ELMO2: variants seen among roughly 807,000 people sequenced by gnomAD.
The protein encoded by ELMO2 is engulfment and cell motility protein 2.
ELMO2 carries 37 observed loss-of-function variants against 96.2 expected under a neutral mutation model. The ratio of observed to expected loss-of-function variants is 0.38; its 90% CI spans 0.30 to 0.51. The LOEUF (loss-of-function observed/expected upper bound fraction) is 0.51. Ranked by LOEUF, ELMO2 falls within the 20% of genes least tolerant of loss-of-function variation. The pLI is 0.88. For synonymous variants in ELMO2, 315 were observed against 329.4 expected, an observed-to-expected ratio of 0.96 and a Z score of 0.47; for missense variants, 561 against 912.6, an observed-to-expected ratio of 0.61 and a Z score of 4.96.
At position 46,371,479 on chromosome 20, in the gene ELMO2, A is replaced by C; in HGVS notation, c.1694-20T>G. On this transcript the variant is annotated intron_variant, in intron 18 of 21. Transcript: ENST00000290246. This position sits in a 1 kb window ranked among gnomAD's most constrained non-coding sequence, Gnocchi z 5.9. ...ACCGTTCTGGAACACAAGGGAAGCCAAACAGGTGAGCAACGACAGTACTGG... is the reference window on the plus strand; with the variant it reads ...ACCGTTCTGGAACACAAGGGAAGCCCAACAGGTGAGCAACGACAGTACTGG... 6.2e-7 allele frequency: 1 copy of C among 1,614,130 alleles called. No homozygotes were observed. Among genetic ancestry groups the C allele is most frequent in the Non-Finnish European group, 8.5e-7 (1 of 1,179,920 alleles).
chr20:46,393,094 G>C lies in ELMO2; in HGVS notation c.242C>G (p.Pro81Arg). 6.2e-7 allele frequency: 1 copy of C among 1,613,762 alleles called. No homozygotes were observed. The highest frequency in any genetic ancestry group is 8.5e-7 in the Non-Finnish European group (1 of 1,179,690). Reference sequence around the variant, plus strand: ...TCCTAAGGAAGAAAGAATACCTACCGGGGAGATAGCCAGTTGTAAGATTGT... The same window carrying C: ...TCCTAAGGAAGAAAGAATACCTACCCGGGAGATAGCCAGTTGTAAGATTGT... ...NGTILQLAIS[P>R]SRAARQLMER... Residue 81 changes from proline to arginine, a missense_variant and splice_region_variant, in exon 6 of 22, where the codon CCG becomes CGG. Physicochemically the swap from Pro to Arg is moderately radical, Grantham distance 103. Transcript: ENST00000290246.
In ELMO2 at chr20:46,387,351, G is replaced by C. The variant is rs1159438280; in HGVS notation, c.512C>G (p.Thr171Ser). 1 of 1,613,984 alleles carries C rather than the reference G, an allele frequency of 6.2e-7. No individual in the cohort carries two copies. Among genetic ancestry groups the C allele is most frequent in the South Asian group, 1.1e-5 (1 of 91,046 alleles). ...TGGAGGCCTCACCTGCTTAATAAAG[G>C]TGATTGAAACCATGTCCCAGGAGAC... is the stretch of plus-strand genomic sequence containing the variant. ...GIVSWDMVSITFIKQIAGYVS... is the reference protein window; with the variant it reads ...GIVSWDMVSISFIKQIAGYVS... The change falls in exon 8 of 22, where the codon ACC (threonine) becomes AGC (serine). Residue 171 changes from threonine (T) to serine (S), a missense_variant. Coordinates refer to ENST00000290246, the MANE Select transcript of ELMO2 (RefSeq NM_133171.5).
In ELMO2 at chr20:46,371,245, A is replaced by G. The variant is rs1165501554; in HGVS notation, c.1801+107T>C. Reference sequence around the variant, plus strand: ...GACAGATAAGGAAACAGGTCCAGAGAGGTAACAGGTACAAGCCCAGATGAT... The same window carrying G: ...GACAGATAAGGAAACAGGTCCAGAGGGGTAACAGGTACAAGCCCAGATGAT... On this transcript the variant is annotated intron_variant, in intron 19 of 21. Coordinates refer to ENST00000290246, the MANE Select transcript of ELMO2 (RefSeq NM_133171.5). The surrounding 1 kb of genome is among the most constrained non-coding windows in gnomAD (Gnocchi z 5.9). 1.0e-5 allele frequency: 11 copies of G among 1,086,426 alleles called. No individual in the cohort carries two copies. The highest frequency in any genetic ancestry group is 1.6e-5 in the African/African-American group (1 of 64,054). 67.3% of individuals were successfully genotyped at this position (1,086,426 alleles called of 1,614,324 possible). A position where few individuals can be genotyped will look rare whatever the true frequency, so the allele number is the denominator to read the frequency against.
intron 1 of ELMO2, among the ~76,000 whole-genome samples, chr20:46,402,119 T>C (rs2060346678): frequency 2.6e-5 from 4 of 152,180 alleles, no homozygotes; most frequent in Admixed American, 2.6e-4. Context: ...TCAACTCTGG[T>C]TGTGCACCAT....
Position 46,371,910 on chromosome 20 carries a change from C to T in ELMO2, c.1476G>A (p.Leu492=). 1 of 1,614,154 alleles carries T rather than the reference C, an allele frequency of 6.2e-7. No individual in the cohort carries two copies. The highest frequency in any genetic ancestry group is 8.5e-7 in the Non-Finnish European group (1 of 1,180,034). ...TRALPSKPNS[L]DQFKSKLRSL... ...TACGCAATTTGCTCTTGAACTGATCCAAAGAGTTGGGTTTGGAGGGCAAAG... is the reference window on the plus strand; with the variant it reads ...TACGCAATTTGCTCTTGAACTGATCTAAAGAGTTGGGTTTGGAGGGCAAAG... The change falls in exon 17 of 22, where the codon TTG becomes TTA. Residue 492 remains leucine (L), a synonymous_variant. Transcript: ENST00000290246. This position sits in a 1 kb window ranked among gnomAD's most constrained non-coding sequence, Gnocchi z 5.9.
chr20:46,393,936 C>A, intron 4 of ELMO2, 113 bp downstream of exon 4: 16 of 1,399,938 alleles, frequency 1.1e-5, no homozygotes, highest in Non-Finnish European at 1.6e-5. Flanking sequence ...CCCAAGACCC[C>A]CATGCTGAGG....
At chr20:46,382,524 T>C (rs763275419) in intron 10 of ELMO2, among the ~76,000 whole-genome samples, 12 of 152,214 alleles carry the variant, frequency 7.9e-5, no homozygotes, top group Non-Finnish European at 1.3e-4. Context: ...AAATCTAGAA[T>C]GTTAGTATTG....
At chr20:46,386,363 C>T in intron 8 of ELMO2, 88 bp from the exon 9 acceptor site, 2 of 1,528,410 alleles carry the variant, frequency 1.3e-6, no homozygotes, top group East Asian at 4.5e-5. Context: ...TTGAAGCTCT[C>T]TCTGCTTCAC....
chr20:46,368,146 G>T (rs2059623016), intron 21 of ELMO2, among the ~76,000 whole-genome samples: 1 of 152,024 alleles, frequency 6.6e-6, no homozygotes, highest in Non-Finnish European at 1.5e-5. Flanking sequence ...TGCTCACCTG[G>T]TTCCCCACTT....
chr20:46,393,938 A>G, intron 4 of ELMO2, 111 bp downstream of exon 4: 1 of 1,435,578 alleles, frequency 7.0e-7, no homozygotes, highest in Middle Eastern at 1.8e-4. Flanking sequence ...CAAGACCCCC[A>G]TGCTGAGGAC....
intron 1 of ELMO2, among the ~76,000 whole-genome samples, chr20:46,404,519 C>T (rs977638636): frequency 2.0e-5 from 3 of 152,180 alleles, no homozygotes; most frequent in African/African-American, 7.2e-5. Flanking sequence ...TTATCCCCGG[C>T]AGGCAACCTC....
At chr20:46,379,261 T>C (rs905060883) in intron 11 of ELMO2, among the ~76,000 whole-genome samples, 3 of 152,178 alleles carry the variant, frequency 2.0e-5, no homozygotes, top group African/African-American at 7.2e-5. Flanking sequence ...CCCAAAATGC[T>C]GGGATTACAG....
intron 1 of ELMO2, among the ~76,000 whole-genome samples, chr20:46,400,014 G>C (rs1421784986): frequency 1.3e-5 from 2 of 152,078 alleles, no homozygotes; most frequent in Non-Finnish European, 2.9e-5. Context: ...GCGTGTGCCT[G>C]TAGTCCCTAG....
chr20:46,382,456 G>A (rs1227153334), intron 10 of ELMO2, among the ~76,000 whole-genome samples: 1 of 152,220 alleles, frequency 6.6e-6, no homozygotes, highest in Non-Finnish European at 1.5e-5. Flanking sequence ...CTGAGCCCAT[G>A]AGATTGTCAG....
chr20:46,374,714 C>G, intron 13 of ELMO2, 74 bp from the exon 14 acceptor site: 1 of 1,308,040 alleles, frequency 7.6e-7, no homozygotes, highest in Non-Finnish European at 1.1e-6. Flanking sequence ...GATGCCCTCT[C>G]GCCTCTCCTC....
At chr20:46,387,913 A>G (rs2060078576) in intron 7 of ELMO2, 1 of 152,802 alleles carries the variant, frequency 6.5e-6, no homozygotes, top group Admixed American at 6.5e-5. Context: ...TCCTCTGTAA[A>G]ATCAAGTTAG....
intron 21 of ELMO2, 148 bp from the exon 22 acceptor site, chr20:46,367,708 A>T: frequency 2.0e-6 from 1 of 502,034 alleles, no homozygotes; most frequent in Non-Finnish European, 3.3e-6. Context: ...AGCAAAGATA[A>T]ATTAGGAGGT....
chr20:46,387,884 T>G (rs1411669159), intron 7 of ELMO2: 2 of 153,370 alleles, frequency 1.3e-5, no homozygotes, highest in Non-Finnish European at 1.5e-5. Flanking sequence ...AAATTTTATC[T>G]TTTCAAAATT....
chr20:46,384,801 T>TAA (rs563510371), intron 9 of ELMO2, among the ~76,000 whole-genome samples: 12 of 114,260 alleles, frequency 1.1e-4, no homozygotes, highest in Admixed American at 1.7e-4. Flanking sequence ...TCTACAAAAA[T>TAA]AAAAAAAAAA....
Sources: allele counts gnomAD v4.1 joint callset (sites outside exome capture counted in the v4.1 genomes callset), GRCh38; gene constraint gnomAD v4.1.1; non-coding constraint Gnocchi (gnomAD v3.1); transcripts MANE v1.5; gene names NCBI Gene and HGNC (gene_info 2026-07-23, HGNC 2026-07-21).